The following PKHD1L1 variants were observed in gnomAD, a reference collection of about 807,000 sequenced individuals.
PKHD1L1 encodes fibrocystin-L.
A neutral mutation model predicts 462.9 loss-of-function variants in PKHD1L1; 434 were observed. The observed-to-expected ratio is 0.94, with a 90% CI of 0.87 to 1.02. PKHD1L1 has a LOEUF of 1.02. Among genes scored for constraint, PKHD1L1 ranks in the 50% least tolerant of loss-of-function variants. The pLI, the probability that PKHD1L1 is intolerant of heterozygous loss-of-function variation, is 0.00. For synonymous variants in PKHD1L1, 1,781 were observed against 1,750.0 expected (o/e 1.02, Z -0.44); for missense variants, 5,202 against 5,096.1 (o/e 1.02, Z -0.63).
Position 109,464,801 on chromosome 8 carries a change from C to A in PKHD1L1, c.7969C>A (p.Gln2657Lys). 6.2e-7 allele frequency: 1 copy of A among 1,613,656 alleles called. No individual in the cohort carries two copies. The highest frequency in any genetic ancestry group is 8.5e-7 in the Non-Finnish European group (1 of 1,179,762). ...IFNSLTTWNC[Q>K]KGAEWVNGGA... ...TAACTCACTTACTACTTGGAATTGT[C>A]AAAAAGGAGCTGAATGGGTCAATGG... Residue 2657 changes from glutamine to lysine, a missense_variant, in exon 49 of 78, where the codon CAA becomes AAA. Gln to Lys is a moderately conservative substitution (Grantham distance 53). This residue lies in a region of PKHD1L1 where 4,497 missense variants were observed against 4,336.8 expected (regional missense o/e 1.04). Coordinates refer to ENST00000378402, the MANE Select transcript of PKHD1L1 (RefSeq NM_177531.6).
chr8:109,481,620 A>G (rs1053667025), intron 56 of PKHD1L1, 58 bp downstream of exon 56: 1 of 1,424,614 alleles, frequency 7.0e-7, no homozygotes, highest in East Asian at 2.6e-5. Flanking sequence ...ACTTTAAAAT[A>G]TATGGCACTA....
At chr8:109,524,329 A>G (rs1260962346) in intron 76 of PKHD1L1, among the ~76,000 whole-genome samples, 2 of 152,118 alleles carry the variant, frequency 1.3e-5, no homozygotes, top group African/African-American at 4.8e-5. Context: ...CAGTCTGCCT[A>G]CTGGGCAGCA....
At chr8:109,374,734 G>T (rs1811712882) in intron 2 of PKHD1L1, among the ~76,000 whole-genome samples, 4 of 152,106 alleles carry the variant, frequency 2.6e-5, no homozygotes, top group Admixed American at 2.6e-4. Flanking sequence ...TGTCTGTAAA[G>T]TATTTTATTT....
intron 9 of PKHD1L1, 84 bp from the exon 10 acceptor site, chr8:109,394,331 G>T (rs1317988019): frequency 2.5e-6 from 2 of 810,584 alleles, no homozygotes; most frequent in East Asian, 5.5e-5. Context: ...TGCAGATTAT[G>T]ACATAATTTC....
chr8:109,485,562 G>A (rs991370362), intron 58 of PKHD1L1, among the ~76,000 whole-genome samples: 7 of 151,920 alleles, frequency 4.6e-5, no homozygotes, highest in Non-Finnish European at 8.8e-5. Context: ...AAGTAATAAT[G>A]GAAGGATAAA....
chr8:109,416,421 A>G (rs1403279363), intron 21 of PKHD1L1, among the ~76,000 whole-genome samples: 2 of 152,204 alleles, frequency 1.3e-5, no homozygotes, highest in Admixed American at 1.3e-4. Flanking sequence ...TTTGCACAGA[A>G]CCATATGATT....
At position 109,464,609 on chromosome 8, in the gene PKHD1L1, G is replaced by A; in HGVS notation, c.7777G>A (p.Asp2593Asn). The A allele has an allele frequency of 6.2e-7, 1 of 1,612,594 alleles. No homozygotes were observed. The highest frequency in any genetic ancestry group is 8.5e-7 in the Non-Finnish European group (1 of 1,179,760). Residue 2593 changes from aspartate (D) to asparagine (N), a missense_variant, in exon 49 of 78, where the codon GAT (aspartate) becomes AAT (asparagine). By Grantham distance (23) the Asp-to-Asn change is conservative. This residue lies in a region of PKHD1L1 where 4,497 missense variants were observed against 4,336.8 expected (regional missense o/e 1.04). Coordinates refer to ENST00000378402, the MANE Select transcript of PKHD1L1 (RefSeq NM_177531.6). ...GFWYRMNNHP[D>N]GPSYDRNICQ... ...TTGGTACCGGATGAACAACCACCCTGATGGGCCATCCTATGACAGAAACAT... is the reference window on the plus strand; with the variant it reads ...TTGGTACCGGATGAACAACCACCCTAATGGGCCATCCTATGACAGAAACAT...
At chr8:109,397,453 A>G (rs1387615543) in intron 11 of PKHD1L1, among the ~76,000 whole-genome samples, 1 of 152,132 alleles carries the variant, frequency 6.6e-6, no homozygotes, top group Non-Finnish European at 1.5e-5. Context: ...AGGCAGGAAG[A>G]TTACTTGAGC....
In PKHD1L1 at chr8:109,448,344, T is replaced by C. The variant is rs1285929897; in HGVS notation, c.5978T>C (p.Val1993Ala). 5 of 1,613,660 alleles carry C rather than the reference T, an allele frequency of 3.1e-6. No individual in the cohort carries two copies. The Admixed American group carries it at 8.3e-5, about 27-fold the overall frequency. ...ACAAAAGGCTCAGCCATGTCCACAG[T>C]TGTATTTGAGTACCCGCTTAATATT... ...HKTKGSAMST[V>A]VFEYPLNIQN... is the part of the protein sequence containing the mutation. The change falls in exon 39 of 78, where the codon GTT becomes GCT. Residue 1993 changes from valine (V) to alanine (A), a missense_variant. Around this residue, in one of 3 missense-constraint regions of PKHD1L1, gnomAD observed 4,497 missense variants for 4,336.8 expected, o/e 1.04. Coordinates refer to ENST00000378402, the MANE Select transcript of PKHD1L1 (RefSeq NM_177531.6).
chr8:109,522,428 A>G, intron 74 of PKHD1L1, 91 bp downstream of exon 74: 1 of 1,309,948 alleles, frequency 7.6e-7, no homozygotes, highest in Non-Finnish European at 1.0e-6. Context: ...CTATTTCAAA[A>G]CAATAATTTA....
chr8:109,509,318 T>G (rs1819857055), intron 70 of PKHD1L1, among the ~76,000 whole-genome samples: 1 of 152,018 alleles, frequency 6.6e-6, no homozygotes, highest in African/African-American at 2.4e-5. Context: ...ATAGAAGAGA[T>G]CTTTCCCAAT....
chr8:109,425,454 G>A (rs1814695199), intron 24 of PKHD1L1, among the ~76,000 whole-genome samples: 1 of 151,640 alleles, frequency 6.6e-6, no homozygotes, highest in African/African-American at 2.4e-5. Context: ...AATCATAAAG[G>A]TGTTTCAAAT....
At chr8:109,469,653 G>T (rs758627454) in intron 50 of PKHD1L1, among the ~76,000 whole-genome samples, 2 of 151,924 alleles carry the variant, frequency 1.3e-5, no homozygotes, top group African/African-American at 2.4e-5. Context: ...TTTTTTCTAG[G>T]TTTTTTTCCC....
Position 109,429,340 on chromosome 8 carries a change from A to AT in PKHD1L1, c.3003dup (p.Asn1002Ter). On this transcript the variant is annotated frameshift_variant and splice_region_variant, in exon 26 of 78. Transcript: ENST00000378402. LOFTEE classifies it high-confidence loss of function. ...GTAAAATAATTGTGTGTAAAAATAGATTAATGATTCCAACATTATTGGAGA... is the reference window on the plus strand; with the variant it reads ...GTAAAATAATTGTGTGTAAAAATAGATTTAATGATTCCAACATTATTGGAGA... 2 of 1,504,018 alleles carry AT rather than the reference A, an allele frequency of 1.3e-6. No individual in the cohort carries two copies. Among genetic ancestry groups the AT allele is most frequent in the Non-Finnish European group, 1.8e-6 (2 of 1,100,306 alleles). The allele number at this position is 1,504,018 out of a possible 1,614,324, so 93.2% of individuals were successfully genotyped here.
In PKHD1L1 at chr8:109,498,547, C is replaced by G; in HGVS notation, c.10685C>G (p.Ala3562Gly). ...GATCCTAATATTGAACTCACTGCTG[C>G]TCATCGGAGTCCTAGATCTCCATCA... ...NDDPNIELTA[A>G]HRSPRSPSGG... is the part of the protein sequence containing the mutation. The change falls in exon 66 of 78, where the codon GCT becomes GGT. Residue 3562 changes from alanine to glycine, a missense_variant. Around this residue, in one of 3 missense-constraint regions of PKHD1L1, gnomAD observed 4,497 missense variants for 4,336.8 expected, o/e 1.04. Transcript: ENST00000378402. 6.2e-7 allele frequency: 1 copy of G among 1,613,444 alleles called. No individual in the cohort carries two copies. Among genetic ancestry groups the G allele is most frequent in the Non-Finnish European group, 8.5e-7 (1 of 1,179,388 alleles).
At position 109,456,397 on chromosome 8, in the gene PKHD1L1, A is replaced by G. The variant is rs896746393; in HGVS notation, c.7004+6A>G. 8.8e-6 allele frequency: 14 copies of G among 1,599,564 alleles called. No individual in the cohort carries two copies. Among genetic ancestry groups the G allele is most frequent in the South Asian group, 2.3e-5 (2 of 88,354 alleles). ...ATTGCAAGCACAGGACACAGGTATG[A>G]TATCTTCTGGGCTTAATGATGTGTA... On this transcript the variant is annotated splice_donor_region_variant and intron_variant, in intron 46 of 77. Transcript: ENST00000378402.
chr8:109,366,714 C>T (rs1181668304), intron 2 of PKHD1L1, among the ~76,000 whole-genome samples: 5 of 127,558 alleles, frequency 3.9e-5, no homozygotes, highest in Admixed American at 2.5e-4. Flanking sequence ...TTTTTTGAGA[C>T]GGAGTTTCAC....
At position 109,388,292 on chromosome 8, in the gene PKHD1L1, T is replaced by G. The variant is rs1197474199; in HGVS notation, c.570-205T>G. 7.2e-5 allele frequency among the ~76,000 whole-genome samples: 11 copies of G among 152,102 alleles called. No homozygotes were observed. In the East Asian group the frequency reaches 2.1e-3, roughly 29 times the overall value. ...GGGCAACAAAGGAACCTTTGTTAAGTTCACCGATGTGTGCCAGTACCTAGA... is the reference window on the plus strand; with the variant it reads ...GGGCAACAAAGGAACCTTTGTTAAGGTCACCGATGTGTGCCAGTACCTAGA... On this transcript the variant is annotated intron_variant, in intron 6 of 77. Transcript: ENST00000378402.
chr8:109,465,101 A>G lies in PKHD1L1; in HGVS notation c.8269A>G (p.Thr2757Ala), dbSNP rs753319215. The change falls in exon 49 of 78, where the codon ACA (threonine) becomes GCA (alanine). Residue 2757 changes from threonine (T) to alanine (A), a missense_variant. Thr to Ala is a moderately conservative substitution (Grantham distance 58). Around this residue, in one of 3 missense-constraint regions of PKHD1L1, gnomAD observed 4,497 missense variants for 4,336.8 expected, o/e 1.04. Transcript: ENST00000378402. The part of the protein sequence containing the change: ...DRPNCVALGV[T>A]SISGVCNDRC... ...TCCCAACTGTGTAGCTTTGGGAGTG[A>G]CATCCATCTCTGGAGTTTGTAATGA... The G allele has an allele frequency of 2.5e-6, 4 of 1,613,744 alleles. No individual in the cohort carries two copies. Among genetic ancestry groups the G allele is most frequent in the African/African-American group, 2.7e-5 (2 of 74,918 alleles).
Sources: allele counts gnomAD v4.1 joint callset (sites outside exome capture counted in the v4.1 genomes callset), GRCh38; gene constraint gnomAD v4.1.1; regional missense constraint gnomAD v4.1.1; transcripts MANE v1.5; gene names NCBI Gene and HGNC (gene_info 2026-07-23, HGNC 2026-07-21).